The following CEP85L variants were observed in gnomAD, a reference collection of about 807,000 sequenced individuals.
CEP85L encodes the protein centrosomal protein 85L.
Under a neutral mutation model 100.3 loss-of-function variants are expected in CEP85L, and 60 were observed. The observed-to-expected ratio is 0.60, with a 90% CI of 0.49 to 0.74. The LOEUF (loss-of-function observed/expected upper bound fraction) is 0.74, where lower values mean the gene tolerates loss of function less well. Ranked by LOEUF, CEP85L falls within the 30% of genes least tolerant of loss-of-function variation. The pLI is 0.00. For missense variants in CEP85L, 973 were observed against 936.2 expected (o/e 1.04, Z -0.51); for synonymous variants, 319 against 322.7 (o/e 0.99, Z 0.12).
intron 3 of CEP85L, among the ~76,000 whole-genome samples, chr6:118,549,262 A>C (rs1418714355): frequency 6.6e-6 from 1 of 151,860 alleles, no homozygotes; most frequent in Non-Finnish European, 1.5e-5. Context: ...GTGGTACTCC[A>C]TTTCCTCTCT....
chr6:118,481,811 CT>C lies in CEP85L; in HGVS notation c.1712del (p.Lys571ArgfsTer6). On this transcript the variant is annotated frameshift_variant, in exon 8 of 13. Transcript: ENST00000368491. LOFTEE classifies it high-confidence loss of function. ...CGGTAGTTACTAACTCCTTTTCTTT[CT>C]TTTTCTGGCATATTAACTGTGTCTC... ...DKETQLICQKKKEKELVTTVQ... is the reference protein window; with the variant it reads ...DKETQLICQKXKEKELVTTVQ... 1 of 1,590,208 alleles carries C rather than the reference CT, an allele frequency of 6.3e-7. No homozygotes were observed. Among genetic ancestry groups the C allele is most frequent in the South Asian group, 1.2e-5 (1 of 85,524 alleles).
chr6:118,500,597 C>A (rs1683297111), intron 5 of CEP85L, among the ~76,000 whole-genome samples: 1 of 136,924 alleles, frequency 7.3e-6, no homozygotes, highest in Non-Finnish European at 1.6e-5. Context: ...AGGACCCTGT[C>A]CACTAGAGGC....
At position 118,491,842 on chromosome 6, in the gene CEP85L, G is replaced by C. The variant is rs144313453; in HGVS notation, c.1281C>G (p.Leu427=). The change falls in exon 6 of 13, where the codon CTC becomes CTG. Residue 427 remains leucine, a synonymous_variant. Transcript: ENST00000368491. ...CTGATTCCTCTGAAAATGGTGTCTG[G>C]AGTGAAGTGTTCTCATATTGTGGCT... ...SLQPQYENTS[L]QTPFSEESVS... 1 of 1,608,864 alleles carries C rather than the reference G, an allele frequency of 6.2e-7. No individual in the cohort carries two copies. Among genetic ancestry groups the C allele is most frequent in the Non-Finnish European group, 8.5e-7 (1 of 1,178,430 alleles).
intron 3 of CEP85L, among the ~76,000 whole-genome samples, chr6:118,542,876 A>AACT (rs1191089292): frequency 7.3e-6 from 1 of 136,326 alleles, no homozygotes; most frequent in East Asian, 2.2e-4. Context: ...AACCAAACTG[A>AACT]ACTTCAACAT....
chr6:118,699,780 C>T (rs1003686442), intron 1 of CEP85L, among the ~76,000 whole-genome samples: 47 of 152,060 alleles, frequency 3.1e-4, no homozygotes, highest in Admixed American at 3.3e-4. Flanking sequence ...GTGCAACCTC[C>T]GCCTCCTGGG....
chr6:118,568,332 G>T, intron 2 of CEP85L, among the ~76,000 whole-genome samples: 1 of 152,154 alleles, frequency 6.6e-6, no homozygotes, highest in Non-Finnish European at 1.5e-5. Context: ...AAAATTCTGT[G>T]AAGCACCAAA....
At chr6:118,575,088 T>C (rs191317828) in intron 2 of CEP85L, among the ~76,000 whole-genome samples, 78 of 151,866 alleles carry the variant, frequency 5.1e-4, no homozygotes, top group South Asian at 1.7e-3. Flanking sequence ...AGAGAAAGGG[T>C]GCAAGAAATT....
intron 3 of CEP85L, among the ~76,000 whole-genome samples, chr6:118,562,259 G>A (rs988439101): frequency 3.3e-5 from 5 of 152,008 alleles, no homozygotes; most frequent in African/African-American, 9.7e-5. Context: ...TTCACAGGAC[G>A]TAACAGAATA....
intron 2 of CEP85L, among the ~76,000 whole-genome samples, chr6:118,608,601 A>C (rs2115211916): frequency 6.6e-6 from 1 of 152,198 alleles, no homozygotes; most frequent in East Asian, 1.9e-4. Flanking sequence ...TCCATCTCAA[A>C]TCTGAGGTAG....
chr6:118,564,674 T>C (rs771965144), intron 3 of CEP85L, among the ~76,000 whole-genome samples: 3 of 152,202 alleles, frequency 2.0e-5, no homozygotes, highest in Non-Finnish European at 2.9e-5. Context: ...ATTCTATTTG[T>C]TTTTATTAGT....
At chr6:118,655,577 A>G (rs1318050), upstream of CEP85L, among the ~76,000 whole-genome samples, 107,087 of 151,648 alleles carry the variant, frequency 0.71, 38,498 homozygotes, top group Middle Eastern at 0.75. Context: ...GGAACAGTAA[A>G]TAGAAGGTTG....
At chr6:118,615,128 T>C (rs1270549245) in intron 2 of CEP85L, among the ~76,000 whole-genome samples, 2 of 152,176 alleles carry the variant, frequency 1.3e-5, no homozygotes, top group Non-Finnish European at 2.9e-5. Context: ...ACATACCATG[T>C]TCATAGACTG....
At chr6:118,565,374 A>C in intron 3 of CEP85L, 155 bp downstream of exon 3, 1 of 709,756 alleles carries the variant, frequency 1.4e-6, no homozygotes, top group Non-Finnish European at 2.3e-6. Context: ...GTTTATCAAC[A>C]ACACTTTTCG....
intron 2 of CEP85L, among the ~76,000 whole-genome samples, chr6:118,602,189 A>G (rs1781822318): frequency 6.6e-6 from 1 of 152,188 alleles, no homozygotes; most frequent in African/African-American, 2.4e-5. Flanking sequence ...CACTCAGGGT[A>G]GAGAGGAGCT....
At chr6:118,552,296 A>T (rs1204302926) in intron 3 of CEP85L, among the ~76,000 whole-genome samples, 1 of 152,086 alleles carries the variant, frequency 6.6e-6, no homozygotes, top group Non-Finnish European at 1.5e-5. Context: ...CACCAAAAAT[A>T]CTGAAGTTTG....
Position 118,465,005 on chromosome 6 carries a change from C to T in CEP85L, c.*400G>A. The T allele has an allele frequency of 6.4e-6, 1 of 155,592 alleles. No homozygotes were observed. Among genetic ancestry groups the T allele is most frequent in the Admixed American group, 6.5e-5 (1 of 15,426 alleles). 9.6% of individuals were successfully genotyped at this position (155,592 alleles called of 1,614,324 possible). On this transcript the variant is annotated 3_prime_UTR_variant, in exon 13 of 13. Coordinates refer to ENST00000368491, the MANE Select transcript of CEP85L (RefSeq NM_001042475.3). ...GAAGCTCTGCTCTGACCCTAGAAAC[C>T]CTTATAAATTTGTGAATAAAGCACG...
intron 1 of CEP85L, among the ~76,000 whole-genome samples, chr6:118,658,925 A>G (rs1307546605): frequency 6.6e-6 from 1 of 152,158 alleles, no homozygotes; most frequent in Non-Finnish European, 1.5e-5. Flanking sequence ...TGCGGCATAA[A>G]CAAGGTATTT....
At chr6:118,614,040 G>A (rs1471713326) in intron 2 of CEP85L, among the ~76,000 whole-genome samples, 1 of 152,032 alleles carries the variant, frequency 6.6e-6, no homozygotes, top group African/African-American at 2.4e-5. Flanking sequence ...TGACCAAGTG[G>A]CGCTTATTCC....
intron 1 of CEP85L, among the ~76,000 whole-genome samples, chr6:118,680,089 C>A (rs1322528293): frequency 7.3e-5 from 11 of 151,384 alleles, no homozygotes; most frequent in African/African-American, 2.7e-4. Flanking sequence ...AATTTGAGAC[C>A]AGCCTGGGCA....
Sources: allele counts gnomAD v4.1 joint callset (sites outside exome capture counted in the v4.1 genomes callset), GRCh38; gene constraint gnomAD v4.1.1; transcripts MANE v1.5; gene names NCBI Gene and HGNC (gene_info 2026-07-23, HGNC 2026-07-21).